The following CXCR5 variants were observed in gnomAD, a reference collection of about 807,000 sequenced individuals.
The protein encoded by CXCR5 is C-X-C motif chemokine receptor 5.
A neutral mutation model predicts 5.6 loss-of-function variants in CXCR5; 3 were observed. The observed-to-expected ratio is 0.54, with a 90% CI of 0.24 to 1.39. The LOEUF (loss-of-function observed/expected upper bound fraction) is 1.39. Ranked by LOEUF, CXCR5 falls within the 40% of genes most tolerant of loss-of-function variation. The pLI is 0.16. For synonymous variants in CXCR5, 218 were observed against 219.9 expected (o/e 0.99, Z 0.08); for missense variants, 333 against 494.6 (o/e 0.67, Z 3.10).
chr11:118,887,249 G>A, intron 1 of CXCR5: 1 of 985,480 alleles, frequency 1.0e-6, no homozygotes, highest in Non-Finnish European at 1.2e-6. Flanking sequence ...GGCCGCATAT[G>A]TGGACCTAAG....
chr11:118,886,072 G>A (rs908551214), intron 1 of CXCR5: 17 of 310,460 alleles, frequency 5.5e-5, no homozygotes, highest in African/African-American at 3.8e-4. Flanking sequence ...CTGTCCCTCA[G>A]TGTCACAGTA....
In CXCR5 at chr11:118,895,344, G is replaced by A; in HGVS notation, c.*681G>A. On this transcript the variant is annotated 3_prime_UTR_variant, in exon 2 of 2. Transcript: ENST00000292174. The surrounding 1 kb of genome is among the most constrained non-coding windows in gnomAD (Gnocchi z 4.2). ...ACCCCATGTCACCGGATCCTGGGTGGTCTGCAGGCAGGGCTGACTCTAGGT... is the reference window on the plus strand; with the variant it reads ...ACCCCATGTCACCGGATCCTGGGTGATCTGCAGGCAGGGCTGACTCTAGGT... 2 of 167,266 alleles carry A rather than the reference G, an allele frequency of 1.2e-5. No individual in the cohort carries two copies. The allele number at this position is 167,266 out of a possible 1,614,324, so 10.4% of individuals were successfully genotyped here. A position where few individuals can be genotyped will look rare whatever the true frequency, so the allele number is the denominator to read the frequency against.
rs767871137 is a variant in CXCR5 at position 118,894,268 on chromosome 11, G to A, written c.724G>A (p.Val242Met). ...LVMGWCYVGV[V>M]HRLRQAQRRP... is the part of the protein sequence containing the mutation. ...GATGGGCTGGTGCTACGTGGGGGTA[G>A]TGCACAGGTTGCGCCAGGCCCAGCG... The change falls in exon 2 of 2, where the codon GTG (valine) becomes ATG (methionine). Residue 242 changes from valine (V) to methionine (M), a missense_variant. By Grantham distance (21) the Val-to-Met change is conservative (BLOSUM62 1). Coordinates refer to ENST00000292174, the MANE Select transcript of CXCR5 (RefSeq NM_001716.5). This position sits in a 1 kb window ranked among gnomAD's most constrained non-coding sequence, Gnocchi z 6.1. 2 of 1,614,132 alleles carry A rather than the reference G, an allele frequency of 1.2e-6. No individual in the cohort carries two copies. The highest frequency in any genetic ancestry group is 1.7e-6 in the Non-Finnish European group (2 of 1,180,044).
At position 118,893,519 on chromosome 11, in the gene CXCR5, C is replaced by T; in HGVS notation, c.52-77C>T. ...TGGGCCCTATGTAGGAAAAAACCTC[C>T]AAGAGAGCTAGGGTTCCTCTCAGAG... On this transcript the variant is annotated intron_variant, in intron 1 of 1. Transcript: ENST00000292174. The surrounding 1 kb of genome is among the most constrained non-coding windows in gnomAD (Gnocchi z 5.7). 3 of 1,501,128 alleles carry T rather than the reference C, an allele frequency of 2.0e-6. No homozygotes were observed. Among genetic ancestry groups the T allele is most frequent in the Non-Finnish European group, 2.7e-6 (3 of 1,123,840 alleles). 93.0% of individuals were successfully genotyped at this position (1,501,128 alleles called of 1,614,324 possible).
intron 1 of CXCR5, among the ~76,000 whole-genome samples, chr11:118,890,591 T>A (rs1158077585): frequency 6.6e-6 from 1 of 151,766 alleles, no homozygotes; most frequent in Admixed American, 6.6e-5. Context: ...TGTTGGGGTG[T>A]TGGGGAAAGG....
At position 118,883,908 on chromosome 11, in the gene CXCR5, G is replaced by A; in HGVS notation, c.-34G>A. On this transcript the variant is annotated 5_prime_UTR_variant, in exon 1 of 2. In the 5' UTR this introduces an upstream ATG that the reference lacks. Transcript: ENST00000292174. ...GCGGGGAGCCTCTCAACATAAGACA[G>A]TGACCAGTCTGGTGACTCACAGCCG... is the stretch of plus-strand genomic sequence containing the variant. The A allele has an allele frequency of 6.2e-7, 1 of 1,604,730 alleles. No individual in the cohort carries two copies. The highest frequency in any genetic ancestry group is 8.5e-7 in the Non-Finnish European group (1 of 1,175,210).
chr11:118,897,630 G>A lies in CXCR5; in HGVS notation c.*2967G>A, dbSNP rs952980795. The stretch of plus-strand genomic sequence containing the variant: ...ATCTTACCATTTGGGGACGAGACAG[G>A]AATGGTATCCCTTAGGGACCCAGAG... On this transcript the variant is annotated 3_prime_UTR_variant, in exon 2 of 2. Transcript: ENST00000292174. The A allele has an allele frequency of 2.7e-6, 1 of 370,542 alleles. No homozygotes were observed. The highest frequency in any genetic ancestry group is 5.3e-6 in the Non-Finnish European group (1 of 188,848). The allele number at this position is 370,542 out of a possible 1,614,324, so 23.0% of individuals were successfully genotyped here.
In CXCR5 at chr11:118,893,423, C is replaced by T. The variant is rs961341737; in HGVS notation, c.52-173C>T. ...TAAGGAATGCGGTCCCTTTGACAGG[C>T]GAAAAACTGAAGTTGGAAAAGACAA... On this transcript the variant is annotated intron_variant, in intron 1 of 1. Coordinates refer to ENST00000292174, the MANE Select transcript of CXCR5 (RefSeq NM_001716.5). This position sits in a 1 kb window ranked among gnomAD's most constrained non-coding sequence, Gnocchi z 5.7. 4.1e-6 allele frequency: 4 copies of T among 985,222 alleles called. No individual in the cohort carries two copies. The South Asian group carries it at 1.4e-4, about 35-fold the overall frequency. The allele number at this position is 985,222 out of a possible 1,614,324, so 61.0% of individuals were successfully genotyped here.
In CXCR5 at chr11:118,895,890, C is replaced by T. The variant is rs1422362465; in HGVS notation, c.*1227C>T. On this transcript the variant is annotated 3_prime_UTR_variant, in exon 2 of 2. Transcript: ENST00000292174. This position sits in a 1 kb window ranked among gnomAD's most constrained non-coding sequence, Gnocchi z 4.2. ...GGCCCGTCCGGCAGTTCTGGGTGCTCCCTACCACCTCCCCAGCCTTTGATC... is the reference window on the plus strand; with the variant it reads ...GGCCCGTCCGGCAGTTCTGGGTGCTTCCTACCACCTCCCCAGCCTTTGATC... 1 of 167,072 alleles carries T rather than the reference C, an allele frequency of 6.0e-6. No homozygotes were observed. Among genetic ancestry groups the T allele is most frequent in the Admixed American group, 6.5e-5 (1 of 15,290 alleles). 10.3% of individuals were successfully genotyped at this position (167,072 alleles called of 1,614,324 possible).
rs1939849666 is a variant in CXCR5, at chr11:118,893,760, G to A, written c.216G>A (p.Val72=). 1 of 1,614,210 alleles carries A rather than the reference G, an allele frequency of 6.2e-7. No individual in the cohort carries two copies. Among genetic ancestry groups the A allele is most frequent in the Non-Finnish European group, 8.5e-7 (1 of 1,180,024 alleles). The change falls in exon 2 of 2, where the codon GTG becomes GTA. Residue 72 remains valine (V), a synonymous_variant. Coordinates refer to ENST00000292174, the MANE Select transcript of CXCR5 (RefSeq NM_001716.5). The surrounding 1 kb of genome is among the most constrained non-coding windows in gnomAD (Gnocchi z 5.7). ...FLLGVIGNVL[V]LVILERHRQT... is the part of the protein sequence containing the mutation. ...TGGGCGTGATCGGCAACGTCCTGGT[G>A]CTGGTGATCCTGGAGCGGCACCGGC...
At chr11:118,889,304 G>T (rs1428665212) in intron 1 of CXCR5, among the ~76,000 whole-genome samples, 1 of 152,234 alleles carries the variant, frequency 6.6e-6, no homozygotes, top group Non-Finnish European at 1.5e-5. Context: ...GCCACATGCT[G>T]GTGTGGCCCA....
rs1374719576 is a variant in CXCR5 at position 118,886,756 on chromosome 11, C to G, written c.51+2764C>G. On this transcript the variant is annotated intron_variant, in intron 1 of 1. Coordinates refer to ENST00000292174, the MANE Select transcript of CXCR5 (RefSeq NM_001716.5). ...CCTCCAGCCCCACCCTGCACACCAGCCGGGAGGGGAAGCTGCTATAGCGCA... is the reference window on the plus strand; with the variant it reads ...CCTCCAGCCCCACCCTGCACACCAGGCGGGAGGGGAAGCTGCTATAGCGCA... 2.9e-5 allele frequency: 6 copies of G among 206,846 alleles called. No homozygotes were observed. The East Asian group carries it at 8.5e-4, about 29-fold the overall frequency. 12.8% of individuals were successfully genotyped at this position (206,846 alleles called of 1,614,324 possible).
At position 118,894,473 on chromosome 11, in the gene CXCR5, TG is replaced by T; in HGVS notation, c.932del (p.Gly311AlafsTer17). ...GTGGCCATCACCATGTGTGAGTTCCTGGGCCTGGCCCACTGCTGCCTCAACC... is the reference window on the plus strand; with the variant it reads ...GTGGCCATCACCATGTGTGAGTTCCTGGCCTGGCCCACTGCTGCCTCAACC... ...LPVAITMCEF[L>X]GLAHCCLNPM... On this transcript the variant is annotated frameshift_variant, in exon 2 of 2. Transcript: ENST00000292174. LOFTEE classifies it high-confidence loss of function. The surrounding 1 kb of genome is among the most constrained non-coding windows in gnomAD (Gnocchi z 6.1). 1 of 1,612,566 alleles carries T rather than the reference TG, an allele frequency of 6.2e-7. No individual in the cohort carries two copies. Among genetic ancestry groups the T allele is most frequent in the Non-Finnish European group, 8.5e-7 (1 of 1,178,922 alleles).
At chr11:118,884,582 C>T (rs1939680680) in intron 1 of CXCR5, among the ~76,000 whole-genome samples, 1 of 152,144 alleles carries the variant, frequency 6.6e-6, no homozygotes, top group South Asian at 2.1e-4. Context: ...GAATGTGAGA[C>T]CAGATGGTAG....
rs1278635304 is a variant in CXCR5 at position 118,893,486 on chromosome 11, T to C, written c.52-110T>C. The C allele has an allele frequency of 2.7e-6, 4 of 1,466,788 alleles. No individual in the cohort carries two copies. In the East Asian group the frequency reaches 9.3e-5, roughly 34 times the overall value. The allele number at this position is 1,466,788 out of a possible 1,614,324, so 90.9% of individuals were successfully genotyped here. A position where few individuals can be genotyped will look rare whatever the true frequency, so the allele number is the denominator to read the frequency against. Reference sequence around the variant, plus strand: ...AAAATTGAAATTTGAAACTTGACATTTGGTCAGTGGGCCCTATGTAGGAAA... The same window carrying C: ...AAAATTGAAATTTGAAACTTGACATCTGGTCAGTGGGCCCTATGTAGGAAA... On this transcript the variant is annotated intron_variant, in intron 1 of 1. Coordinates refer to ENST00000292174, the MANE Select transcript of CXCR5 (RefSeq NM_001716.5). The surrounding 1 kb of genome is among the most constrained non-coding windows in gnomAD (Gnocchi z 5.7).
At chr11:118,887,424 A>G in intron 1 of CXCR5, 1 of 985,524 alleles carries the variant, frequency 1.0e-6, no homozygotes, top group African/African-American at 1.7e-5. Flanking sequence ...CTGGGGTGCC[A>G]GGTGGGGCTC....
At chr11:118,892,471 CA>C (rs1451324614) in intron 1 of CXCR5, among the ~76,000 whole-genome samples, 1 of 144,676 alleles carries the variant, frequency 6.9e-6, no homozygotes, top group Non-Finnish European at 1.5e-5. Flanking sequence ...ATAGTATTGC[CA>C]TTTTGAATCC....
In CXCR5 at chr11:118,894,036, C is replaced by T; in HGVS notation, c.492C>T (p.Leu164=). 1 of 1,614,018 alleles carries T rather than the reference C, an allele frequency of 6.2e-7. No individual in the cohort carries two copies. Among genetic ancestry groups the T allele is most frequent in the Middle Eastern group, 1.6e-4 (1 of 6,062 alleles). ...AVHAYRHRRL[L]SIHITCGTIW... is the part of the protein sequence containing the mutation. ...ATGCCTACCGCCACCGCCGCCTCCT[C>T]TCCATCCACATCACCTGTGGGACCA... The change falls in exon 2 of 2, where the codon CTC becomes CTT. Residue 164 remains leucine, a synonymous_variant. Transcript: ENST00000292174. The surrounding 1 kb of genome is among the most constrained non-coding windows in gnomAD (Gnocchi z 6.1).
intron 1 of CXCR5, among the ~76,000 whole-genome samples, chr11:118,890,240 TC>T (rs1165618592): frequency 6.6e-6 from 1 of 152,094 alleles, no homozygotes; most frequent in Non-Finnish European, 1.5e-5. Context: ...TGTCTAAGTC[TC>T]AGGTTATAAG....
Sources: allele counts gnomAD v4.1 joint callset (sites outside exome capture counted in the v4.1 genomes callset), GRCh38; gene constraint gnomAD v4.1.1; non-coding constraint Gnocchi (gnomAD v3.1); transcripts MANE v1.5; gene names NCBI Gene and HGNC (gene_info 2026-07-23, HGNC 2026-07-21).